DPH6: variants seen among roughly 807,000 people sequenced by gnomAD.
DPH6 encodes diphthamine biosynthesis 6.
A neutral mutation model predicts 38.2 loss-of-function variants in DPH6; 33 were observed. That is an observed-to-expected ratio of 0.86 (90% CI 0.65 to 1.15). DPH6 has a LOEUF of 1.15. Among genes scored for constraint, DPH6 ranks in the 50% most tolerant of loss-of-function variants. The probability of loss-of-function intolerance (pLI) is 0.00; values close to 1 mark genes in which losing one functional copy is unlikely to be tolerated. For synonymous variants in DPH6, 108 were observed against 103.0 expected (o/e 1.05, Z -0.30); for missense variants, 325 against 320.0 (o/e 1.02, Z -0.12).
the DPH6 span, among the ~76,000 whole-genome samples, chr15:35,210,946 C>CTTTTT: frequency 4.2e-4 from 26 of 61,580 alleles, 1 homozygote; most frequent in Non-Finnish European, 6.3e-4. Context: ...AGATAGATCA[C>CTTTTT]TTTTTTTTTT....
chr15:35,506,265 A>C (rs2054692843), intron 3 of DPH6, among the ~76,000 whole-genome samples: 1 of 152,162 alleles, frequency 6.6e-6, no homozygotes, highest in African/African-American at 2.4e-5. Context: ...TTTTTAAAAA[A>C]AACTCTGGAG....
Position 35,381,860 on chromosome 15 carries a change from G to C in DPH6, c.624C>G (p.Phe208Leu), listed in dbSNP as rs768494184. The stretch of plus-strand genomic sequence containing the variant: ...TCTTAAATAGAGGGCAATCCAAAGT[G>C]AAAGTTTCATACTCTCCACCTTCTC... The part of the protein sequence containing the change: ...VCGEGGEYET[F>L]TLDCPLFKKK... The change falls in exon 7 of 9, where the codon TTC becomes TTG. Residue 208 changes from phenylalanine to leucine, a missense_variant. Transcript: ENST00000256538. The C allele has an allele frequency of 5.0e-6, 8 of 1,613,522 alleles. No homozygotes were observed. The highest frequency in any genetic ancestry group is 6.8e-6 in the Non-Finnish European group (8 of 1,179,702).
chr15:35,301,616 G>A (rs2052054880), intron 3 of DPH6, among the ~76,000 whole-genome samples: 1 of 152,052 alleles, frequency 6.6e-6, no homozygotes, highest in East Asian at 1.9e-4. Context: ...ATCTAAAGAG[G>A]ATGCTATAGA....
At chr15:35,158,402 CAA>C in the DPH6 span, among the ~76,000 whole-genome samples, 1 of 151,984 alleles carries the variant, frequency 6.6e-6, no homozygotes, top group African/African-American at 2.4e-5. Flanking sequence ...ATGCACTCAC[CAA>C]ATGTAATATG....
chr15:35,277,290 C>T (rs1207937979), intron 3 of DPH6, among the ~76,000 whole-genome samples: 1 of 152,112 alleles, frequency 6.6e-6, no homozygotes, highest in African/African-American at 2.4e-5. Context: ...GGAAACTTTG[C>T]TGAATTCTTC....
At chr15:35,531,590 C>T (rs892358770) in intron 3 of DPH6, among the ~76,000 whole-genome samples, 1 of 152,264 alleles carries the variant, frequency 6.6e-6, no homozygotes, top group African/African-American at 2.4e-5. Context: ...TCTCTCGCCT[C>T]AGCCTCCTGA....
the DPH6 span, among the ~76,000 whole-genome samples, chr15:35,198,162 T>A: frequency 1.3e-5 from 2 of 150,082 alleles, no homozygotes; most frequent in Non-Finnish European, 3.0e-5. Context: ...TTTTTCCATT[T>A]AATAAAAACA....
intron 3 of DPH6, among the ~76,000 whole-genome samples, chr15:35,501,639 G>A (rs1044450806): frequency 3.9e-5 from 6 of 152,076 alleles, no homozygotes; most frequent in Non-Finnish European, 8.8e-5. Flanking sequence ...GGGCAAATAT[G>A]TTACTAAAAA....
At chr15:35,453,759 C>T (rs1334705456) in intron 4 of DPH6, among the ~76,000 whole-genome samples, 1 of 151,162 alleles carries the variant, frequency 6.6e-6, no homozygotes, top group Non-Finnish European at 1.5e-5. Context: ...TTTAACTGCC[C>T]TAAATCCACC....
intron 3 of DPH6, among the ~76,000 whole-genome samples, chr15:35,512,419 T>C (rs1015978022): frequency 6.6e-6 from 1 of 152,144 alleles, no homozygotes; most frequent in Non-Finnish European, 1.5e-5. Context: ...TGAATGTCTA[T>C]ACCTATATCT....
intron 5 of DPH6, among the ~76,000 whole-genome samples, chr15:35,418,650 T>C (rs972359709): frequency 4.6e-5 from 7 of 152,176 alleles, no homozygotes; most frequent in African/African-American, 1.2e-4. Flanking sequence ...CTTTACTTAC[T>C]GACCTTGAAG....
chr15:35,509,637 A>G (rs1167976963), intron 3 of DPH6, among the ~76,000 whole-genome samples: 30 of 152,244 alleles, frequency 2.0e-4, no homozygotes, highest in Non-Finnish European at 4.4e-5. Flanking sequence ...TTGAAAGTAC[A>G]CAGACAAATA....
In DPH6 at chr15:35,477,425, A is replaced by G. The variant is rs556686085; in HGVS notation, c.313-22605T>C. On this transcript the variant is annotated intron_variant, in intron 3 of 8. Transcript: ENST00000256538. ...TACAAAGTGTTAAGAGGTATACTAC[A>G]AACATAGGTACTGCAAAGGCTGCAT... 1.3e-3 allele frequency among the ~76,000 whole-genome samples: 196 copies of G among 151,960 alleles called. 1 individual carries two copies. The highest frequency in any genetic ancestry group is 2.5e-3 in the South Asian group (12 of 4,824).
chr15:35,231,570 A>C (rs369587458), intron 3 of DPH6, among the ~76,000 whole-genome samples: 2 of 152,170 alleles, frequency 1.3e-5, no homozygotes, highest in East Asian at 1.9e-4. Flanking sequence ...CAATCAGTGG[A>C]GCTTTCTTTT....
At chr15:35,178,573 T>G in the DPH6 span, among the ~76,000 whole-genome samples, 4 of 152,100 alleles carry the variant, frequency 2.6e-5, no homozygotes, top group Non-Finnish European at 2.9e-5. Context: ...CAATTCAAGA[T>G]GAGATTTAGG....
At chr15:35,298,439 T>G (rs572429516) in intron 3 of DPH6, 2 of 751,748 alleles carry the variant, frequency 2.7e-6, no homozygotes, top group South Asian at 2.7e-5. Context: ...CAACACACTT[T>G]CCCCAACTTT....
At chr15:35,205,439 T>A in the DPH6 span, among the ~76,000 whole-genome samples, 2 of 152,082 alleles carry the variant, frequency 1.3e-5, no homozygotes, top group Non-Finnish European at 2.9e-5. Context: ...TAACTTACTT[T>A]ATCCTCTTGG....
chr15:35,178,305 A>T, the DPH6 span, among the ~76,000 whole-genome samples: 1 of 152,222 alleles, frequency 6.6e-6, no homozygotes, highest in South Asian at 2.1e-4. Context: ...AAGAGGTTTA[A>T]TTGACTCACA....
intron 3 of DPH6, among the ~76,000 whole-genome samples, chr15:35,504,704 T>A (rs992440105): frequency 2.6e-5 from 4 of 152,038 alleles, no homozygotes; most frequent in African/African-American, 9.7e-5. Flanking sequence ...AAAGATAAAT[T>A]AATGCATCAC....
Sources: gnomAD v4.1 joint callset for allele counts (sites outside exome capture counted in the v4.1 genomes callset) on GRCh38, gnomAD v4.1.1 for gene constraint, MANE v1.5 for transcripts, NCBI Gene and HGNC (gene_info 2026-07-23, HGNC 2026-07-21) for gene names.